Variants in CACNA1C observed in about 807,000 individuals in gnomAD.
The protein encoded by CACNA1C is voltage-dependent L-type calcium channel subunit alpha-1C.
Under a neutral mutation model 229.0 loss-of-function variants are expected in CACNA1C, and 30 were observed. That is an observed-to-expected ratio of 0.13 (90% CI 0.10 to 0.18). The LOEUF (loss-of-function observed/expected upper bound fraction) is 0.18, where lower values mean the gene tolerates loss of function less well. Among genes scored for constraint, CACNA1C ranks in the 10% least tolerant of loss-of-function variants. The pLI is 1.00. For missense variants in CACNA1C, 1,658 were observed against 2,845.0 expected, an observed-to-expected ratio of 0.58 and a Z score of 9.49; for synonymous variants, 1,114 against 1,132.5, an observed-to-expected ratio of 0.98 and a Z score of 0.33.
intron 3 of CACNA1C, among the ~76,000 whole-genome samples, chr12:2,129,853 T>A (rs549391559): frequency 6.6e-6 from 1 of 152,220 alleles, no homozygotes; most frequent in Admixed American, 6.5e-5. Context: ...TGCTCCCCCC[T>A]CTCTCCTGCA....
chr12:2,249,990 A>G (rs2075000678), intron 3 of CACNA1C, among the ~76,000 whole-genome samples: 1 of 151,980 alleles, frequency 6.6e-6, no homozygotes, highest in African/African-American at 2.4e-5. Flanking sequence ...TTGTATTTTC[A>G]GTGGAGACGG....
chr12:2,571,772 G>A (rs147057581), intron 13 of CACNA1C, among the ~76,000 whole-genome samples: 8 of 152,276 alleles, frequency 5.3e-5, no homozygotes, highest in East Asian at 1.9e-4. Flanking sequence ...GGGGGCTTTC[G>A]GAAAGCAACA....
At chr12:2,442,359 C>G (rs959553939) in intron 3 of CACNA1C, among the ~76,000 whole-genome samples, 3 of 152,110 alleles carry the variant, frequency 2.0e-5, no homozygotes, top group Admixed American at 6.5e-5. Context: ...ATGGACCCCC[C>G]AGTTGCCAGT....
chr12:2,075,232 T>G (rs889749717), intron 1 of CACNA1C, among the ~76,000 whole-genome samples: 2 of 152,188 alleles, frequency 1.3e-5, no homozygotes, highest in Non-Finnish European at 2.9e-5. Flanking sequence ...AAATAACCAT[T>G]GTTTATGGAG....
chr12:2,125,988 C>T (rs1475222668), intron 3 of CACNA1C, among the ~76,000 whole-genome samples: 6 of 152,252 alleles, frequency 3.9e-5, no homozygotes, highest in African/African-American at 1.2e-4. Flanking sequence ...TGTGCTTGCT[C>T]CTGCTCTCAG....
At chr12:2,482,724 C>CTA (rs2099681155) in intron 5 of CACNA1C, among the ~76,000 whole-genome samples, 1 of 152,124 alleles carries the variant, frequency 6.6e-6, no homozygotes, top group Admixed American at 6.5e-5. Flanking sequence ...TCTTAAAGCA[C>CTA]CCTATTCCAC....
rs369762796 is a variant in CACNA1C, at chr12:2,669,937, A to G, written c.4726+902A>G. 5.3e-5 allele frequency among the ~76,000 whole-genome samples: 8 copies of G among 152,296 alleles called. No individual in the cohort carries two copies. The South Asian group carries it at 1.2e-3, about 24-fold the overall frequency. ...GATGGATAAGAGTTTGCGAACCACTATGGGAAAGGCTGTATTAAACACACC... is the reference window on the plus strand; with the variant it reads ...GATGGATAAGAGTTTGCGAACCACTGTGGGAAAGGCTGTATTAAACACACC... On this transcript the variant is annotated intron_variant, in intron 38 of 46. Coordinates refer to ENST00000399655, the MANE Select transcript of CACNA1C (RefSeq NM_000719.7).
chr12:1,992,713 T>G (rs1352295742), intron 1 of CACNA1C: 1 of 165,712 alleles, frequency 6.0e-6, no homozygotes, highest in Non-Finnish European at 1.3e-5. Context: ...GACTATTTAG[T>G]TACCTACTAC....
rs1355461153 is a variant in CACNA1C, at chr12:2,695,709, G to A, written c.*4510G>A. 4 of 152,244 alleles carry A rather than the reference G, an allele frequency of 2.6e-5. No individual in the cohort carries two copies. Among genetic ancestry groups the A allele is most frequent in the African/African-American group, 9.7e-5 (4 of 41,450 alleles). 9.4% of individuals were successfully genotyped at this position (152,244 alleles called of 1,614,324 possible). ...CACCTAGTGAGAAAGACGGTGCGTG[G>A]AAGGGAGTCCCATGGGCAGATGCTT... On this transcript the variant is annotated 3_prime_UTR_variant, in exon 47 of 47. Transcript: ENST00000399655.
intron 3 of CACNA1C, among the ~76,000 whole-genome samples, chr12:2,190,694 C>G (rs1222410961): frequency 6.6e-6 from 1 of 152,204 alleles, no homozygotes; most frequent in African/African-American, 2.4e-5. Context: ...GAGCACAGTG[C>G]TCTGAGTAGC....
At chr12:2,528,612 C>T (rs1001198323) in intron 9 of CACNA1C, among the ~76,000 whole-genome samples, 6 of 152,216 alleles carry the variant, frequency 3.9e-5, no homozygotes, top group South Asian at 2.1e-4. Flanking sequence ...GTGCCAATCA[C>T]GGAGACACAA....
intron 30 of CACNA1C, chr12:2,641,873 G>A: frequency 1.5e-6 from 1 of 677,810 alleles, no homozygotes; most frequent in Middle Eastern, 3.6e-4. Context: ...TGGCCCTTGA[G>A]AGAGTTAGCA....
chr12:2,638,168 A>G (rs1299575193), intron 30 of CACNA1C, among the ~76,000 whole-genome samples: 1 of 152,222 alleles, frequency 6.6e-6, no homozygotes, highest in Non-Finnish European at 1.5e-5. Flanking sequence ...TAAGGAACTC[A>G]TACGGTGTGT....
In CACNA1C at chr12:2,528,292, G is replaced by A. The variant is rs1425274661; in HGVS notation, c.1390+15308G>A. Among the ~76,000 whole-genome samples the A allele has an allele frequency of 2.6e-5, 4 of 152,282 alleles. No individual in the cohort carries two copies. In the South Asian group the frequency reaches 6.2e-4, roughly 24 times the overall value. The stretch of plus-strand genomic sequence containing the variant: ...GTCAGTAAAAGCCCCTTCCAGCTTT[G>A]GAATTTGTTTCTGTAGTTCTCAGTT... On this transcript the variant is annotated intron_variant, in intron 9 of 46. Transcript: ENST00000399655.
intron 29 of CACNA1C, chr12:2,613,477 A>C (rs1251661852): frequency 6.6e-6 from 1 of 152,348 alleles, no homozygotes; most frequent in Non-Finnish European, 1.5e-5. Flanking sequence ...GGGACTTAAA[A>C]GATAAGACAA....
At chr12:2,033,529 G>T (rs2048578799) in intron 1 of CACNA1C, among the ~76,000 whole-genome samples, 1 of 152,146 alleles carries the variant, frequency 6.6e-6, no homozygotes, top group Non-Finnish European at 1.5e-5. Flanking sequence ...TGGAGTCTCA[G>T]AGTCCTTGGG....
intron 1 of CACNA1C, among the ~76,000 whole-genome samples, chr12:2,080,663 G>T (rs2065236362): frequency 6.6e-6 from 1 of 151,676 alleles, no homozygotes. Context: ...AAATAATAGT[G>T]CTATATGAAA....
At chr12:2,685,361 CTG>C (rs2097397790) in intron 43 of CACNA1C, among the ~76,000 whole-genome samples, 1 of 151,154 alleles carries the variant, frequency 6.6e-6, no homozygotes, top group Admixed American at 6.6e-5. Context: ...TTGAGGGTCA[CTG>C]GGGAAAACAG....
chr12:2,445,220 CT>C (rs2099266364), intron 3 of CACNA1C, among the ~76,000 whole-genome samples: 1 of 152,188 alleles, frequency 6.6e-6, no homozygotes, highest in Non-Finnish European at 1.5e-5. Flanking sequence ...CGAGATTCAG[CT>C]TGAAGATTCT....
Sources: gnomAD v4.1 joint callset for allele counts (sites outside exome capture counted in the v4.1 genomes callset) on GRCh38, gnomAD v4.1.1 for gene constraint, MANE v1.5 for transcripts, NCBI Gene and HGNC (gene_info 2026-07-23, HGNC 2026-07-21) for gene names.